LIMCH1: variants seen among roughly 807,000 people sequenced by gnomAD.
LIMCH1 encodes LIM and calponin homology domains-containing protein 1.
A neutral mutation model predicts 176.5 loss-of-function variants in LIMCH1; 113 were observed. The observed-to-expected ratio is 0.64, with a 90% CI of 0.55 to 0.75. The LOEUF (loss-of-function observed/expected upper bound fraction) is 0.75, where lower values mean the gene tolerates loss of function less well. Among genes scored for constraint, LIMCH1 ranks in the 30% least tolerant of loss-of-function variants. The pLI is 0.00. For synonymous variants in LIMCH1, 619 were observed against 645.9 expected (o/e 0.96, Z 0.63); for missense variants, 1,674 against 1,814.9 (o/e 0.92, Z 1.41).
intron 23 of LIMCH1, 131 bp from the exon 24 acceptor site, chr4:41,679,875 C>G (rs1714200811): frequency 1.7e-6 from 1 of 595,776 alleles, no homozygotes; most frequent in African/African-American, 1.9e-5. Flanking sequence ...TTGCATGAAT[C>G]AATTAAATTC....
chr4:41,505,470 A>G (rs1046906640), intron 2 of LIMCH1, among the ~76,000 whole-genome samples: 22 of 152,310 alleles, frequency 1.4e-4, no homozygotes, highest in Non-Finnish European at 2.9e-4. Context: ...AAACTTGATC[A>G]TGTGTGAATA....
chr4:41,595,954 G>A (rs2088684451), intron 1 of LIMCH1, among the ~76,000 whole-genome samples: 1 of 151,512 alleles, frequency 6.6e-6, no homozygotes, highest in South Asian at 2.1e-4. Context: ...GGAGGCTGAG[G>A]CAGTAGAATC....
intron 1 of LIMCH1, among the ~76,000 whole-genome samples, chr4:41,588,392 G>T (rs1371265474): frequency 6.6e-6 from 1 of 152,110 alleles, no homozygotes; most frequent in African/African-American, 2.4e-5. Context: ...TTCCAAGATT[G>T]GAAGAGGGGG....
At chr4:41,526,113 A>C (rs1261816733) in intron 3 of LIMCH1, among the ~76,000 whole-genome samples, 1 of 152,184 alleles carries the variant, frequency 6.6e-6, no homozygotes, top group Non-Finnish European at 1.5e-5. Flanking sequence ...TGTTTCTCAC[A>C]TATTGCCTCT....
chr4:41,417,970 TTAACA>T (rs2060090927), intron 1 of LIMCH1, among the ~76,000 whole-genome samples: 1 of 152,242 alleles, frequency 6.6e-6, no homozygotes, highest in South Asian at 2.1e-4. Flanking sequence ...AAATGAAATG[TTAACA>T]TAACTGAAAT....
chr4:41,508,012 GT>G (rs2074390360), intron 2 of LIMCH1, among the ~76,000 whole-genome samples: 1 of 152,076 alleles, frequency 6.6e-6, no homozygotes, highest in South Asian at 2.1e-4. Context: ...GGAAATGAAA[GT>G]TGAGAAGAAA....
At chr4:41,612,571 T>C (rs1561916833) in intron 4 of LIMCH1, 1 of 702,626 alleles carries the variant, frequency 1.4e-6, no homozygotes, top group African/African-American at 1.7e-5. Flanking sequence ...GCTAAGACAC[T>C]GGCGGGAACA....
At chr4:41,405,925 A>G (rs2154120410) in intron 1 of LIMCH1, among the ~76,000 whole-genome samples, 1 of 152,336 alleles carries the variant, frequency 6.6e-6, no homozygotes. Flanking sequence ...AGACACGACA[A>G]TATGGCCTGC....
chr4:41,367,331 T>C (rs1017091461), intron 1 of LIMCH1, among the ~76,000 whole-genome samples: 1 of 152,276 alleles, frequency 6.6e-6, no homozygotes, highest in East Asian at 1.9e-4. Context: ...AGCAAAACTG[T>C]GCTCTATGCT....
intron 2 of LIMCH1, among the ~76,000 whole-genome samples, chr4:41,602,830 C>A (rs1043614926): frequency 1.3e-5 from 2 of 151,878 alleles, no homozygotes; most frequent in African/African-American, 4.8e-5. Flanking sequence ...CAACAACAAA[C>A]CCTAGCAGAT....
intron 1 of LIMCH1, among the ~76,000 whole-genome samples, chr4:41,443,200 T>TC (rs1561386949): frequency 4.5e-5 from 2 of 44,366 alleles, no homozygotes; most frequent in Non-Finnish European, 3.8e-5. Flanking sequence ...TTCTTTTTTT[T>TC]TTTTTTTTTT....
chr4:41,594,609 CT>C (rs2088357793), intron 1 of LIMCH1, among the ~76,000 whole-genome samples: 1 of 152,206 alleles, frequency 6.6e-6, no homozygotes, highest in East Asian at 1.9e-4. Context: ...TTCCTTCTGG[CT>C]TTTCTTCTGC....
At chr4:41,419,630 CCTTCCTCCTTCCTTTCTT>C in intron 1 of LIMCH1, among the ~76,000 whole-genome samples, 1 of 97,248 alleles carries the variant, frequency 1.0e-5, no homozygotes, top group African/African-American at 6.1e-5. Context: ...TTCCTTCCTT[CCTTCCTCCTTCCTTTCTT>C]CCTCCTTCCT....
intron 1 of LIMCH1, among the ~76,000 whole-genome samples, chr4:41,586,920 C>T (rs2086597249): frequency 6.6e-6 from 1 of 152,128 alleles, no homozygotes; most frequent in African/African-American, 2.4e-5. Context: ...CTCTATTTCC[C>T]TAACTGTGCT....
At chr4:41,365,560 A>G (rs576819939) in intron 1 of LIMCH1, among the ~76,000 whole-genome samples, 81 of 152,358 alleles carry the variant, frequency 5.3e-4, no homozygotes, top group African/African-American at 1.8e-3. Context: ...GATTCTTAAC[A>G]TCTTTTTATC....
intron 7 of LIMCH1, among the ~76,000 whole-genome samples, chr4:41,625,243 A>C (rs759499606): frequency 4.6e-5 from 7 of 152,184 alleles, no homozygotes; most frequent in Non-Finnish European, 1.0e-4. Flanking sequence ...GTGTATCTGG[A>C]ATGTACTAAA....
intron 5 of LIMCH1, among the ~76,000 whole-genome samples, chr4:41,616,988 G>C (rs555476607): frequency 2.3e-4 from 35 of 152,024 alleles, no homozygotes; most frequent in Admixed American, 4.6e-4. Flanking sequence ...ATTCACCAAA[G>C]AATAATTGGG....
intron 2 of LIMCH1, among the ~76,000 whole-genome samples, chr4:41,500,729 G>T (rs1169880697): frequency 6.6e-6 from 1 of 152,222 alleles, no homozygotes; most frequent in East Asian, 1.9e-4. Flanking sequence ...GCCCAAGGAA[G>T]GAGCTTCCAG....
intron 1 of LIMCH1, among the ~76,000 whole-genome samples, chr4:41,396,556 G>T (rs553190770): frequency 1.3e-5 from 2 of 151,458 alleles, no homozygotes; most frequent in East Asian, 1.9e-4. Context: ...TTGTTTGTTT[G>T]TTTTTGCACC....
Sources: gnomAD v4.1 joint callset for allele counts (sites outside exome capture counted in the v4.1 genomes callset) on GRCh38, gnomAD v4.1.1 for gene constraint, MANE v1.5 for transcripts, NCBI Gene and HGNC (gene_info 2026-07-23, HGNC 2026-07-21) for gene names.